PCDHA9: variants seen among roughly 807,000 people sequenced by gnomAD.
The protein encoded by PCDHA9 is protocadherin alpha 9, also known as protocadherin alpha-9.
PCDHA9 carries 62 observed loss-of-function variants against 62.0 expected under a neutral mutation model. That is an observed-to-expected ratio of 1.00 (90% CI 0.81 to 1.23). PCDHA9 has a LOEUF of 1.23. Among genes scored for constraint, PCDHA9 ranks in the 50% most tolerant of loss-of-function variants. The probability of loss-of-function intolerance (pLI) is 0.00; values close to 1 mark genes in which losing one functional copy is unlikely to be tolerated. For missense variants in PCDHA9, 1,205 were observed against 1,249.8 expected (o/e 0.96, Z 0.54); for synonymous variants, 557 against 567.6 (o/e 0.98, Z 0.27).
At chr5:140,857,314 G>C in intron 1 of PCDHA9, 1 of 1,598,746 alleles carries the variant, frequency 6.3e-7, no homozygotes, top group Non-Finnish European at 8.6e-7. Flanking sequence ...CCTATGAGCT[G>C]GTGGTGACCG....
chr5:140,968,574 T>A (rs2096256536), intron 1 of PCDHA9: 1 of 1,614,218 alleles, frequency 6.2e-7, no homozygotes, highest in Non-Finnish European at 8.5e-7. Flanking sequence ...GCTGGCTACC[T>A]GGTCACCAAA....
At chr5:140,980,447 C>T (rs952861849) in intron 2 of PCDHA9, among the ~76,000 whole-genome samples, 4 of 152,036 alleles carry the variant, frequency 2.6e-5, no homozygotes, top group Admixed American at 6.6e-5. Context: ...CTGGACAACA[C>T]GGTGAAACCC....
rs565071573 is a variant in PCDHA9, at chr5:141,009,664, G to C, written c.2580G>C (p.Ala860=). 1.7e-4 allele frequency: 273 copies of C among 1,613,982 alleles called. 2 individuals are homozygous for C. In the South Asian group the frequency reaches 2.8e-3, roughly 17 times the overall value. ...GAGAAGTGTCCCCTCCAGTCGGTGC[G>C]GGTGTCAACAGCAACAGCTGGACCT... ...EAGEVSPPVG[A]GVNSNSWTFK... The change falls in exon 4 of 4, where the codon GCG becomes GCC. Residue 860 remains alanine, a synonymous_variant. Transcript: ENST00000532602.
chr5:140,967,670 G>A (rs1554229754), intron 1 of PCDHA9: 1 of 1,614,092 alleles, frequency 6.2e-7, no homozygotes, highest in Non-Finnish European at 8.5e-7. Flanking sequence ...CTACACGTCG[G>A]ACCGGGAGAG....
At chr5:141,000,421 ATTT>A (rs34755515) in intron 3 of PCDHA9, among the ~76,000 whole-genome samples, 361 of 27,888 alleles carry the variant, frequency 0.013, no homozygotes, top group East Asian at 0.018. Context: ...ATATATATAT[ATTT>A]TTTTTTTTTT....
Position 140,853,221 on chromosome 5 carries a change from G to A in PCDHA9, c.2394+2332G>A, listed in dbSNP as rs1021063668. 12 of 983,626 alleles carry A rather than the reference G, an allele frequency of 1.2e-5. 1 individual carries two copies. The highest frequency in any genetic ancestry group is 1.5e-5 in the Non-Finnish European group (12 of 816,248). The allele number at this position is 983,626 out of a possible 1,614,324, so 60.9% of individuals were successfully genotyped here. A position where few individuals can be genotyped will look rare whatever the true frequency, so the allele number is the denominator to read the frequency against. On this transcript the variant is annotated intron_variant, in intron 1 of 3. Transcript: ENST00000532602. ...TATTGACGGCTGTATTGATGGGATT[G>A]GTAATTTAGTCCTTCATATTAATCT...
intron 1 of PCDHA9, among the ~76,000 whole-genome samples, chr5:140,921,440 G>A (rs1026829665): frequency 6.6e-6 from 1 of 152,056 alleles, no homozygotes; most frequent in Non-Finnish European, 1.5e-5. Flanking sequence ...CTTCAATGGT[G>A]TCTGAAAAGG....
intron 1 of PCDHA9, among the ~76,000 whole-genome samples, chr5:140,909,531 G>A (rs2074565633): frequency 6.6e-6 from 1 of 152,160 alleles, no homozygotes. Flanking sequence ...CACATTTTGA[G>A]TCCTTGATGG....
chr5:140,969,019 G>C lies in PCDHA9; in HGVS notation c.2395-9930G>C. 3.1e-6 allele frequency: 5 copies of C among 1,614,164 alleles called. No homozygotes were observed. The South Asian group carries it at 5.5e-5, about 18-fold the overall frequency. ...GAGGCTTCTGTGGAGTAAGGGAAAG[G>C]TCCCCTGCAGAACTGTACAAACAAG... On this transcript the variant is annotated intron_variant, in intron 1 of 3. Transcript: ENST00000532602.
At chr5:140,861,560 C>A in intron 1 of PCDHA9, 2 of 391,162 alleles carry the variant, frequency 5.1e-6, no homozygotes, top group Admixed American at 2.5e-5. Flanking sequence ...TGATCGTGGA[C>A]AAGCTGCTAC....
intron 3 of PCDHA9, among the ~76,000 whole-genome samples, chr5:140,990,912 A>G (rs1415853627): frequency 1.3e-5 from 2 of 152,148 alleles, no homozygotes; most frequent in African/African-American, 4.8e-5. Context: ...CAAGTTTTAT[A>G]AGTCTTTAAA....
At position 140,879,699 on chromosome 5, in the gene PCDHA9, A is replaced by G. The variant is rs952913043; in HGVS notation, c.2394+28810A>G. Among the ~76,000 whole-genome samples the G allele has an allele frequency of 2.6e-5, 4 of 152,218 alleles. No individual in the cohort carries two copies. In the South Asian group the frequency reaches 8.3e-4, roughly 32 times the overall value. The stretch of plus-strand genomic sequence containing the variant: ...TGCTGTAAAACAGCAAAAGTTTATT[A>G]TTTCTCAGTATTGGAGACCAGAAGT... On this transcript the variant is annotated intron_variant, in intron 1 of 3. Coordinates refer to ENST00000532602, the MANE Select transcript of PCDHA9 (RefSeq NM_031857.2).
At chr5:140,978,485 A>G (rs992352505) in intron 1 of PCDHA9, among the ~76,000 whole-genome samples, 2 of 152,264 alleles carry the variant, frequency 1.3e-5, no homozygotes, top group Admixed American at 1.3e-4. Flanking sequence ...CAGTCTGCAA[A>G]GCCAGCAGCA....
intron 1 of PCDHA9, among the ~76,000 whole-genome samples, chr5:140,903,033 G>A (rs2069954043): frequency 6.6e-6 from 1 of 152,180 alleles, no homozygotes; most frequent in African/African-American, 2.4e-5. Context: ...GCTTGCACAT[G>A]TGTCTTTTTC....
intron 1 of PCDHA9, among the ~76,000 whole-genome samples, chr5:140,899,462 T>C (rs2067338282): frequency 6.6e-6 from 1 of 152,366 alleles, no homozygotes; most frequent in Admixed American, 6.5e-5. Context: ...GTGGTTTTTG[T>C]CTTTGGTTCT....
chr5:140,903,211 C>T (rs1457584095), intron 1 of PCDHA9, among the ~76,000 whole-genome samples: 1 of 152,174 alleles, frequency 6.6e-6, no homozygotes, highest in African/African-American at 2.4e-5. Context: ...TCACCACATT[C>T]ATGCCAACAT....
In PCDHA9 at chr5:140,870,728, C is replaced by G. The variant is rs531202250; in HGVS notation, c.2394+19839C>G. On this transcript the variant is annotated intron_variant, in intron 1 of 3. Transcript: ENST00000532602. Reference sequence around the variant, plus strand: ...GTGAGCGCGCGCGATGCGGGCGTGCCGCCTCTGAGCAGCAACGTGACGCTG... The same window carrying G: ...GTGAGCGCGCGCGATGCGGGCGTGCGGCCTCTGAGCAGCAACGTGACGCTG... The G allele has an allele frequency of 5.0e-6, 8 of 1,613,220 alleles. No individual in the cohort carries two copies. The East Asian group carries it at 6.7e-5, about 13-fold the overall frequency.
At chr5:140,984,281 C>G (rs574169465) in intron 3 of PCDHA9, among the ~76,000 whole-genome samples, 32 of 152,336 alleles carry the variant, frequency 2.1e-4, no homozygotes, top group African/African-American at 7.5e-4. Context: ...AATACATTCT[C>G]CCTCCCATTG....
chr5:140,958,997 A>C (rs1356032687), intron 1 of PCDHA9, among the ~76,000 whole-genome samples: 1 of 152,076 alleles, frequency 6.6e-6, no homozygotes, highest in African/African-American at 2.4e-5. Context: ...CTAATCTTTT[A>C]CTGTACCTAA....
Sources: gnomAD v4.1 joint callset for allele counts (sites outside exome capture counted in the v4.1 genomes callset) on GRCh38, gnomAD v4.1.1 for gene constraint, MANE v1.5 for transcripts, NCBI Gene and HGNC (gene_info 2026-07-23, HGNC 2026-07-21) for gene names.